Variants in FHIT observed in about 807,000 individuals in gnomAD.
The protein encoded by FHIT is bis(5'-adenosyl)-triphosphatase.
In FHIT, 19 loss-of-function variants were observed where a neutral mutation model predicts 17.9. That is an observed-to-expected ratio of 1.06 (90% CI 0.74 to 1.56). The LOEUF is 1.56. Ranked by LOEUF, FHIT falls within the 40% of genes most tolerant of loss-of-function variation. The pLI is 0.00. For synonymous variants in FHIT, 81 were observed against 69.7 expected (o/e 1.16, Z -0.81); for missense variants, 248 against 189.2 (o/e 1.31, Z -1.82).
chr3:60,911,371 G>GCACACA (rs35183064), intron 3 of FHIT, among the ~76,000 whole-genome samples: 2,108 of 149,000 alleles, frequency 0.014, 28 homozygotes, highest in African/African-American at 0.02. Flanking sequence ...TTCTTTGCAT[G>GCACACA]CACACACACA....
chr3:59,941,264 G>A (rs1706502948), intron 7 of FHIT, among the ~76,000 whole-genome samples: 1 of 152,208 alleles, frequency 6.6e-6, no homozygotes. Context: ...ACAGTGCTCT[G>A]CTGTGAAGAC....
chr3:59,886,901 A>G (rs79843747), intron 8 of FHIT, among the ~76,000 whole-genome samples: 2,404 of 152,266 alleles, frequency 0.016, 64 homozygotes, highest in African/African-American at 0.055. Context: ...ATTTATTGAG[A>G]ACCAACTATT....
intron 5 of FHIT, among the ~76,000 whole-genome samples, chr3:60,381,205 C>G (rs368511001): frequency 6.6e-6 from 1 of 152,060 alleles, no homozygotes; most frequent in African/African-American, 2.4e-5. Flanking sequence ...AGGCTGGGCA[C>G]GGTGGCTCAC....
chr3:60,385,081 T>C (rs966505611), intron 5 of FHIT, among the ~76,000 whole-genome samples: 2 of 152,068 alleles, frequency 1.3e-5, no homozygotes, highest in African/African-American at 2.4e-5. Flanking sequence ...AGGAAAAAAA[T>C]GCATACAATA....
intron 2 of FHIT, among the ~76,000 whole-genome samples, chr3:61,049,973 C>T (rs2033965697): frequency 6.6e-6 from 1 of 152,060 alleles, no homozygotes; most frequent in South Asian, 2.1e-4. Flanking sequence ...AAGTTCCCTC[C>T]CCCAGTTTAT....
chr3:60,219,357 G>C (rs1346564558), intron 5 of FHIT, among the ~76,000 whole-genome samples: 1 of 152,078 alleles, frequency 6.6e-6, no homozygotes, highest in Non-Finnish European at 1.5e-5. Context: ...TATTTCATCT[G>C]TGTAACAAGT....
chr3:60,337,696 T>G (rs1382687606), intron 5 of FHIT, among the ~76,000 whole-genome samples: 1 of 152,184 alleles, frequency 6.6e-6, no homozygotes, highest in African/African-American at 2.4e-5. Flanking sequence ...AACTGAGTTA[T>G]GATCCTGGGA....
At chr3:61,043,099 G>A (rs1231770073) in intron 2 of FHIT, among the ~76,000 whole-genome samples, 3 of 152,132 alleles carry the variant, frequency 2.0e-5, no homozygotes, top group African/African-American at 7.2e-5. Flanking sequence ...TCATCTCACT[G>A]GGGCTTGTTG....
At position 60,510,247 on chromosome 3, in the gene FHIT, A is replaced by G. The variant is rs182960475; in HGVS notation, c.103+26613T>C. Reference sequence around the variant, plus strand: ...CAGCACTGAAAACCAAGCATAGTTAAGCCAGGATTGATGGGTAACAGCTGC... The same window carrying G: ...CAGCACTGAAAACCAAGCATAGTTAGGCCAGGATTGATGGGTAACAGCTGC... On this transcript the variant is annotated intron_variant, in intron 5 of 9. Coordinates refer to ENST00000492590, the MANE Select transcript of FHIT (RefSeq NM_002012.4). Among the ~76,000 whole-genome samples, 387 of 152,312 alleles carry G rather than the reference A, an allele frequency of 2.5e-3. 2 individuals are homozygous for G. The highest frequency in any genetic ancestry group is 0.024 in the South Asian group (118 of 4,828).
chr3:60,016,830 AGTTGTTAAGC>A lies in FHIT; in HGVS notation c.104-2688_104-2679del, dbSNP rs1294050903. ...GAAACTTAAGGTTAGCTTCAAAGAA[AGTTGTTAAGC>A]GTTCCTCCTTTGGCCCAAATCACCA... On this transcript the variant is annotated intron_variant, in intron 5 of 9. Transcript: ENST00000492590. Among the ~76,000 whole-genome samples the A allele has an allele frequency of 3.2e-4, 49 of 152,194 alleles. 1 individual carries two copies. The highest frequency in any genetic ancestry group is 1.2e-3 in the African/African-American group (48 of 41,452).
Position 60,860,536 on chromosome 3 carries a change from GTATA to G in FHIT, c.-110-38529_-110-38526del, listed in dbSNP as rs1703692445. On this transcript the variant is annotated intron_variant, in intron 3 of 9. Coordinates refer to ENST00000492590, the MANE Select transcript of FHIT (RefSeq NM_002012.4). ...GATACATATGTATCATATATATCAG[GTATA>G]TATGATACATATGTATCATATATCA... Among the ~76,000 whole-genome samples the G allele has an allele frequency of 7.6e-5, 2 of 26,246 alleles. 1 individual carries two copies. The highest frequency in any genetic ancestry group is 2.3e-4 in the Non-Finnish European group (2 of 8,808). The allele number at this position is 26,246 out of a possible 152,430, so 17.2% of individuals were successfully genotyped here. A position where few individuals can be genotyped will look rare whatever the true frequency, so the allele number is the denominator to read the frequency against.
In FHIT at chr3:59,748,692, T is replaced by C. The variant is rs1467159717; in HGVS notation, c.*893A>G. On this transcript the variant is annotated 3_prime_UTR_variant, in exon 10 of 10. Transcript: ENST00000492590. ...AAGTGGCTAGAGAGGTGAGCTCTTT[T>C]AGCAAGGAGGGCAGTACACAGACTA... Among the ~76,000 whole-genome samples, 1 of 152,082 alleles carries C rather than the reference T, an allele frequency of 6.6e-6. No individual in the cohort carries two copies. The highest frequency in any genetic ancestry group is 1.5e-5 in the Non-Finnish European group (1 of 67,990).
chr3:60,261,685 C>T lies in FHIT; in HGVS notation c.104-247533G>A, dbSNP rs116031730. Among the ~76,000 whole-genome samples, 350 of 152,082 alleles carry T rather than the reference C, an allele frequency of 2.3e-3. 1 individual carries two copies. Among genetic ancestry groups the T allele is most frequent in the African/African-American group, 7.5e-3 (312 of 41,520 alleles). ...AACGTGCCTTCCTGACCAATAGGTA[C>T]GTTACTGATGACGTTCAGGACACCC... On this transcript the variant is annotated intron_variant, in intron 5 of 9. Transcript: ENST00000492590.
intron 5 of FHIT, among the ~76,000 whole-genome samples, chr3:60,207,193 C>T (rs183670677): frequency 2.1e-4 from 32 of 151,370 alleles, no homozygotes; most frequent in African/African-American, 6.8e-4. Context: ...TGTCTCTGTA[C>T]CAATAAACAT....
chr3:60,866,234 C>T (rs1028597639), intron 3 of FHIT, among the ~76,000 whole-genome samples: 1 of 152,174 alleles, frequency 6.6e-6, no homozygotes, highest in South Asian at 2.1e-4. Flanking sequence ...TAAAGTTTTG[C>T]CTCTTGGTAT....
rs1704069377 is a variant in FHIT, at chr3:60,098,709, T to C, written c.104-84557A>G. On this transcript the variant is annotated intron_variant, in intron 5 of 9. Coordinates refer to ENST00000492590, the MANE Select transcript of FHIT (RefSeq NM_002012.4). ...GTAGTTTCTTTTGCTGTGCAGAAGCTCTTTAGTTCTTACTAATATTTTCTT... is the reference window on the plus strand; with the variant it reads ...GTAGTTTCTTTTGCTGTGCAGAAGCCCTTTAGTTCTTACTAATATTTTCTT... 2.0e-5 allele frequency among the ~76,000 whole-genome samples: 3 copies of C among 152,324 alleles called. No homozygotes were observed. The South Asian group carries it at 6.2e-4, about 32-fold the overall frequency.
chr3:60,583,270 G>A (rs2037805419), intron 4 of FHIT, among the ~76,000 whole-genome samples: 1 of 151,802 alleles, frequency 6.6e-6, no homozygotes, highest in African/African-American at 2.4e-5. Flanking sequence ...AAATAAATTT[G>A]GCATTCCCAT....
chr3:60,648,105 T>C (rs539829279), intron 4 of FHIT, among the ~76,000 whole-genome samples: 195 of 152,076 alleles, frequency 1.3e-3, no homozygotes, highest in Non-Finnish European at 2.4e-3. Context: ...GGACAGAGGA[T>C]AGATGGGACG....
intron 5 of FHIT, among the ~76,000 whole-genome samples, chr3:60,515,429 T>G (rs938657468): frequency 3.3e-5 from 5 of 151,878 alleles, no homozygotes; most frequent in Admixed American, 1.3e-4. Flanking sequence ...TTAATATCAG[T>G]ATTTATGGGC....
Sources: gnomAD v4.1 joint callset for allele counts (sites outside exome capture counted in the v4.1 genomes callset) on GRCh38, gnomAD v4.1.1 for gene constraint, MANE v1.5 for transcripts, NCBI Gene and HGNC (gene_info 2026-07-23, HGNC 2026-07-21) for gene names.